Variants in UNC13C observed in about 807,000 individuals in gnomAD.
The protein encoded by UNC13C is unc-13 homolog C.
UNC13C carries 174 observed loss-of-function variants against 245.4 expected under a neutral mutation model. The ratio of observed to expected loss-of-function variants is 0.71; its 90% confidence interval spans 0.63 to 0.80. UNC13C has a LOEUF of 0.80. Ranked by LOEUF, UNC13C falls within the 30% of genes least tolerant of loss-of-function variation. UNC13C has a pLI of 0.00. For synonymous variants in UNC13C, 992 were observed against 895.1 expected (o/e 1.11, Z -1.93); for missense variants, 2,829 against 2,602.9 (o/e 1.09, Z -1.89).
At position 54,546,752 on chromosome 15, in the gene UNC13C, A is replaced by G; in HGVS notation, c.5727A>G (p.Lys1909=). ...TLSLSAKICE[K]TVLKRVLKEL... ...GTCTCTCAGCAAAAATCTGTGAGAAAACAGTCCTAAAGCGAGTTTTAAAAG... is the reference window on the plus strand; with the variant it reads ...GTCTCTCAGCAAAAATCTGTGAGAAGACAGTCCTAAAGCGAGTTTTAAAAG... Residue 1909 remains lysine, a synonymous_variant, in exon 27 of 33, where the codon AAA becomes AAG. Transcript: ENST00000260323. 1 of 1,526,602 alleles carries G rather than the reference A, an allele frequency of 6.6e-7. No individual in the cohort carries two copies. The highest frequency in any genetic ancestry group is 8.8e-7 in the Non-Finnish European group (1 of 1,136,680). The allele number at this position is 1,526,602 out of a possible 1,614,324, so 94.6% of individuals were successfully genotyped here. A position where few individuals can be genotyped will look rare whatever the true frequency, so the allele number is the denominator to read the frequency against.
intron 8 of UNC13C, among the ~76,000 whole-genome samples, chr15:54,255,116 A>C (rs542658050): frequency 2.3e-4 from 35 of 152,250 alleles, no homozygotes; most frequent in African/African-American, 7.9e-4. Flanking sequence ...GAATGTTTAT[A>C]GCTGAAGCCC....
the UNC13C span, among the ~76,000 whole-genome samples, chr15:53,897,613 C>G: frequency 6.6e-6 from 1 of 152,150 alleles, no homozygotes; most frequent in Non-Finnish European, 1.5e-5. Flanking sequence ...CATTACAACT[C>G]AACTGAATTG....
At chr15:54,165,730 TA>T (rs1280116918) in intron 4 of UNC13C, among the ~76,000 whole-genome samples, 56 of 152,120 alleles carry the variant, frequency 3.7e-4, no homozygotes, top group African/African-American at 1.3e-3. Flanking sequence ...TTATTTAAAA[TA>T]TAATTACTGA....
intron 10 of UNC13C, among the ~76,000 whole-genome samples, chr15:54,283,895 T>C (rs1336370352): frequency 6.6e-6 from 1 of 152,204 alleles, no homozygotes; most frequent in Non-Finnish European, 1.5e-5. Flanking sequence ...TCTAAGCTAG[T>C]TCTATTATTC....
intron 2 of UNC13C, among the ~76,000 whole-genome samples, chr15:54,140,290 A>G (rs1251615921): frequency 2.6e-5 from 4 of 152,224 alleles, no homozygotes; most frequent in East Asian, 3.8e-4. Flanking sequence ...TCCATTATTC[A>G]GATTTTTAGC....
At chr15:53,854,959 C>G in the UNC13C span, among the ~76,000 whole-genome samples, 1 of 152,164 alleles carries the variant, frequency 6.6e-6, no homozygotes, top group African/African-American at 2.4e-5. Flanking sequence ...TGTGTATCCT[C>G]TCTGATTTCC....
intron 17 of UNC13C, among the ~76,000 whole-genome samples, chr15:54,368,439 A>G (rs1486326554): frequency 1.3e-5 from 2 of 151,968 alleles, no homozygotes; most frequent in African/African-American, 2.4e-5. Flanking sequence ...TTCTCCTGAC[A>G]AAAGTGTGGT....
chr15:54,560,127 A>G (rs1277335518), intron 29 of UNC13C, among the ~76,000 whole-genome samples: 1 of 152,048 alleles, frequency 6.6e-6, no homozygotes, highest in Non-Finnish European at 1.5e-5. Context: ...GATTATATCT[A>G]AGTCTGCAAA....
rs571503810 is a variant in UNC13C at position 54,065,754 on chromosome 15, C to G, written c.2983+49868C>G. 3.9e-5 allele frequency among the ~76,000 whole-genome samples: 6 copies of G among 152,292 alleles called. No homozygotes were observed. The East Asian group carries it at 1.2e-3, about 29-fold the overall frequency. ...CAAGAGCTAGTTCCATGGCCCCAATCTAACTGCAAGTGAGACTGGGAAATA... is the reference window on the plus strand; with the variant it reads ...CAAGAGCTAGTTCCATGGCCCCAATGTAACTGCAAGTGAGACTGGGAAATA... On this transcript the variant is annotated intron_variant, in intron 2 of 32. Coordinates refer to ENST00000260323, the MANE Select transcript of UNC13C (RefSeq NM_001080534.3).
intron 2 of UNC13C, among the ~76,000 whole-genome samples, chr15:54,120,299 G>C (rs2030577664): frequency 1.3e-5 from 2 of 152,088 alleles, no homozygotes; most frequent in African/African-American, 4.8e-5. Flanking sequence ...GAAAATCCTA[G>C]AGCCTTTGGG....
At chr15:54,482,582 C>T (rs1893181201) in intron 19 of UNC13C, among the ~76,000 whole-genome samples, 1 of 72,036 alleles carries the variant, frequency 1.4e-5, no homozygotes, top group African/African-American at 5.5e-5. Context: ...TCTCCTTCCT[C>T]GCCTCAGAAG....
chr15:54,142,454 G>A (rs1014908535), intron 2 of UNC13C, among the ~76,000 whole-genome samples: 4 of 152,248 alleles, frequency 2.6e-5, no homozygotes, highest in South Asian at 2.1e-4. Context: ...GTTTTCTTAT[G>A]TGTAAGATGG....
At chr15:54,145,209 G>GT (rs1486656189) in intron 4 of UNC13C, among the ~76,000 whole-genome samples, 1 of 151,820 alleles carries the variant, frequency 6.6e-6, no homozygotes, top group Non-Finnish European at 1.5e-5. Flanking sequence ...GCATGTTTTA[G>GT]TTTTTTTATC....
At position 54,330,046 on chromosome 15, in the gene UNC13C, C is replaced by T. The variant is rs561276986; in HGVS notation, c.4426-1997C>T. 1.5e-4 allele frequency among the ~76,000 whole-genome samples: 22 copies of T among 148,882 alleles called. No homozygotes were observed. In the East Asian group the frequency reaches 4.2e-3, roughly 28 times the overall value. ...TGGGGTAGGATGGATGTAGGCAATCCTTTTTTTTTTCCATTCGTTCTTTCC... is the reference window on the plus strand; with the variant it reads ...TGGGGTAGGATGGATGTAGGCAATCTTTTTTTTTTTCCATTCGTTCTTTCC... On this transcript the variant is annotated intron_variant, in intron 14 of 32. Coordinates refer to ENST00000260323, the MANE Select transcript of UNC13C (RefSeq NM_001080534.3).
chr15:54,446,696 A>G (rs1890833943), intron 19 of UNC13C, among the ~76,000 whole-genome samples: 1 of 152,202 alleles, frequency 6.6e-6, no homozygotes, highest in East Asian at 1.9e-4. Flanking sequence ...TTGGGCTGAG[A>G]TAATGGGGTT....
chr15:54,203,413 T>C (rs1377793342), intron 4 of UNC13C, among the ~76,000 whole-genome samples: 1 of 150,716 alleles, frequency 6.6e-6, no homozygotes, highest in African/African-American at 2.4e-5. Context: ...TGCAAAAATA[T>C]AGAATCAGTC....
At chr15:53,965,391 T>C in the UNC13C span, among the ~76,000 whole-genome samples, 1 of 152,032 alleles carries the variant, frequency 6.6e-6, no homozygotes, top group African/African-American at 2.4e-5. Context: ...CTTCATATAT[T>C]CACAATGATT....
rs1268141909 is a variant in UNC13C, at chr15:54,297,903, A to G, written c.4081A>G (p.Ile1361Val). Residue 1361 changes from isoleucine to valine, a missense_variant, in exon 12 of 33, where the codon ATT becomes GTT. Transcript: ENST00000260323. ...KGEEKVAPYH[I>V]QYTCLHENLF... ...AGAAGAGAAGGTTGCTCCATATCAT[A>G]TTCAATATACATGTTTACATGAGGT... 3 of 1,599,970 alleles carry G rather than the reference A, an allele frequency of 1.9e-6. No individual in the cohort carries two copies. Among genetic ancestry groups the G allele is most frequent in the South Asian group, 2.3e-5 (2 of 88,760 alleles).
intron 30 of UNC13C, among the ~76,000 whole-genome samples, chr15:54,594,359 A>T (rs554918459): frequency 6.6e-6 from 1 of 151,880 alleles, no homozygotes; most frequent in African/African-American, 2.4e-5. Context: ...GTGGAGAAGG[A>T]CCATTGGTGG....
Sources: allele counts gnomAD v4.1 joint callset (sites outside exome capture counted in the v4.1 genomes callset), GRCh38; gene constraint gnomAD v4.1.1; transcripts MANE v1.5; gene names NCBI Gene and HGNC (gene_info 2026-07-23, HGNC 2026-07-21).